Variants in SHROOM2 observed in about 807,000 individuals in gnomAD.
SHROOM2 encodes shroom family member 2.
Under a neutral mutation model 75.9 loss-of-function variants are expected in SHROOM2, and 33 were observed. The ratio of observed to expected loss-of-function variants is 0.43; its 90% confidence interval spans 0.33 to 0.58. The LOEUF is 0.58. Among genes scored for constraint, SHROOM2 ranks in the 20% least tolerant of loss-of-function variants. The pLI is 0.04. For synonymous variants in SHROOM2, 655 were observed against 663.6 expected (o/e 0.99, Z 0.20); for missense variants, 1,434 against 1,461.2 (o/e 0.98, Z 0.30).
At chrX:9,815,522 A>C (rs1433068452) in intron 1 of SHROOM2, among the ~76,000 whole-genome samples, 11 of 107,155 alleles carry the variant, frequency 1.0e-4, no homozygotes, top group Non-Finnish European at 1.5e-4. Context: ...TATATCATAT[A>C]TAGAGATCCA....
chrX:9,924,293 G>A (rs1469858672), intron 5 of SHROOM2, among the ~76,000 whole-genome samples: 1 of 112,527 alleles, frequency 8.9e-6, no homozygotes, highest in Non-Finnish European at 1.9e-5. Flanking sequence ...GGCATGCAAA[G>A]GACAACCAAA....
intron 5 of SHROOM2, among the ~76,000 whole-genome samples, chrX:9,906,190 A>G (rs758949464): frequency 1.8e-4 from 20 of 112,593 alleles, no homozygotes; most frequent in African/African-American, 6.4e-4. Flanking sequence ...AAAAATAAAA[A>G]TCACATATTG....
chrX:9,791,710 G>T (rs2083648592), intron 1 of SHROOM2, among the ~76,000 whole-genome samples: 1 of 111,204 alleles, frequency 9.0e-6, no homozygotes, highest in African/African-American at 3.3e-5. Context: ...AATATCACCA[G>T]TGCCAGGCAC....
rs963380304 is a variant in SHROOM2, at chrX:9,890,677, C to T, written c.318-300C>T. Among the ~76,000 whole-genome samples, 4 of 111,490 alleles carry T rather than the reference C, an allele frequency of 3.6e-5. 1 individual carries two copies. Among genetic ancestry groups the T allele is most frequent in the East Asian group, 5.7e-4 (2 of 3,480 alleles). On this transcript the variant is annotated intron_variant, in intron 2 of 9. Transcript: ENST00000380913. ...GCACTGTTTGGCACGAGCACGCGTG[C>T]GCTGCGTGCGGTCCTCGAGCCCCCT...
At chrX:9,941,464 C>T (rs143337087) in intron 8 of SHROOM2, among the ~76,000 whole-genome samples, 1,800 of 112,228 alleles carry the variant, frequency 0.016, 31 homozygotes, top group African/African-American at 0.051. Flanking sequence ...TGAAAGCCAA[C>T]GGCTGTTCTT....
intron 7 of SHROOM2, among the ~76,000 whole-genome samples, chrX:9,938,169 AAGGCTTAG>A (rs1699079058): frequency 9.0e-6 from 1 of 111,380 alleles, no homozygotes; most frequent in East Asian, 2.8e-4. Flanking sequence ...CATGAGAATG[AAGGCTTAG>A]ATTGAATATA....
chrX:9,884,159 T>C (rs920950564), intron 2 of SHROOM2, among the ~76,000 whole-genome samples: 1 of 110,511 alleles, frequency 9.0e-6, no homozygotes, highest in African/African-American at 3.3e-5. Context: ...GGGGACCAGG[T>C]GGGCCTGTGT....
intron 1 of SHROOM2, among the ~76,000 whole-genome samples, chrX:9,801,787 T>C (rs1441289716): frequency 9.2e-6 from 1 of 108,624 alleles, no homozygotes; most frequent in Non-Finnish European, 1.9e-5. Flanking sequence ...ACCCCGTCTC[T>C]ACAAAAAAAT....
At chrX:9,873,560 G>C (rs2084182265) in intron 1 of SHROOM2, 92 bp from the exon 2 acceptor site, 5 of 1,050,742 alleles carry the variant, frequency 4.8e-6, no homozygotes, top group Non-Finnish European at 6.6e-6. Context: ...TTCCCGCCAA[G>C]TGTGAGGTAT....
At chrX:9,935,855 T>C (rs2084698778) in intron 6 of SHROOM2, among the ~76,000 whole-genome samples, 1 of 111,549 alleles carries the variant, frequency 9.0e-6, no homozygotes, top group South Asian at 3.7e-4. Flanking sequence ...TTGTGGAGTT[T>C]GGCCTGTTTC....
At chrX:9,935,162 G>C (rs755848401) in intron 6 of SHROOM2, among the ~76,000 whole-genome samples, 51 of 110,853 alleles carry the variant, frequency 4.6e-4, no homozygotes, top group South Asian at 1.1e-3. Context: ...CTGCACAAAA[G>C]GGGGAGGATA....
intron 1 of SHROOM2, among the ~76,000 whole-genome samples, chrX:9,843,554 A>G (rs2083990635): frequency 1.8e-5 from 2 of 110,711 alleles, no homozygotes; most frequent in African/African-American, 6.6e-5. Flanking sequence ...CTGCACCACT[A>G]CGCCCAGCTA....
At chrX:9,940,631 GCGGC>G (rs1464552277) in intron 8 of SHROOM2, among the ~76,000 whole-genome samples, 2 of 112,256 alleles carry the variant, frequency 1.8e-5, no homozygotes, top group Non-Finnish European at 3.8e-5. Flanking sequence ...ATTGGACAAA[GCGGC>G]CACTGCTGCA....
intron 2 of SHROOM2, among the ~76,000 whole-genome samples, chrX:9,884,147 A>T (rs1000949016): frequency 4.5e-5 from 5 of 110,992 alleles, no homozygotes; most frequent in African/African-American, 1.6e-4. Flanking sequence ...GTTTCCAGGC[A>T]GGGGGACCAG....
intron 2 of SHROOM2, among the ~76,000 whole-genome samples, chrX:9,880,857 A>G (rs1343826899): frequency 8.9e-6 from 1 of 111,984 alleles, no homozygotes; most frequent in African/African-American, 3.2e-5. Flanking sequence ...CCTGTCCCCA[A>G]CTGCAAGATG....
intron 5 of SHROOM2, among the ~76,000 whole-genome samples, chrX:9,908,883 T>G (rs1601984138): frequency 9.1e-6 from 1 of 110,165 alleles, no homozygotes; most frequent in East Asian, 2.8e-4. Flanking sequence ...AGGTCAAGGC[T>G]GCAGTGAGCT....
At chrX:9,797,083 A>G (rs1035105395) in intron 1 of SHROOM2, among the ~76,000 whole-genome samples, 8 of 112,410 alleles carry the variant, frequency 7.1e-5, no homozygotes, top group Admixed American at 9.4e-5. Flanking sequence ...TTAGAGTGGG[A>G]CCCACAAGTG....
At chrX:9,903,644 C>A (rs6640549) in intron 5 of SHROOM2, among the ~76,000 whole-genome samples, 39,606 of 110,050 alleles carry the variant, frequency 0.36, 5,767 homozygotes, top group East Asian at 0.73. Flanking sequence ...CCTGGGCTCA[C>A]GTGATCCTCC....
At chrX:9,818,809 T>A in intron 1 of SHROOM2, 2 of 489,621 alleles carry the variant, frequency 4.1e-6, no homozygotes, top group African/African-American at 2.4e-5. Context: ...GTTGGCCCGC[T>A]CCTCAACTGT....
Sources: gnomAD v4.1 joint callset for allele counts (sites outside exome capture counted in the v4.1 genomes callset) on GRCh38, gnomAD v4.1.1 for gene constraint, MANE v1.5 for transcripts, NCBI Gene and HGNC (gene_info 2026-07-23, HGNC 2026-07-21) for gene names.